The following TRIM5 variants were observed in gnomAD, a reference collection of about 807,000 sequenced individuals.
TRIM5 encodes tripartite motif-containing protein 5.
In TRIM5, 31 loss-of-function variants were observed where a neutral mutation model predicts 35.6. That is an observed-to-expected ratio of 0.87 (90% CI 0.65 to 1.18). The LOEUF (loss-of-function observed/expected upper bound fraction) is 1.18. Ranked by LOEUF, TRIM5 falls within the 50% of genes most tolerant of loss-of-function variation. The probability of loss-of-function intolerance (pLI) is 0.00; values close to 1 mark genes in which losing one functional copy is unlikely to be tolerated. For synonymous variants in TRIM5, 243 were observed against 215.6 expected, an observed-to-expected ratio of 1.13 and a Z score of -1.11; for missense variants, 609 against 591.6, an observed-to-expected ratio of 1.03 and a Z score of -0.31.
At chr11:5,661,041 C>CAAAAAAAAAAAA (rs61394016), downstream of TRIM5, among the ~76,000 whole-genome samples, 1 of 37,142 alleles carries the variant, frequency 2.7e-5, no homozygotes, top group Non-Finnish European at 4.3e-5. Context: ...GACTCCGTCT[C>CAAAAAAAAAAAA]AAAAAAAAAA....
chr11:5,641,227 T>C, the TRIM5 span: 5 of 1,613,848 alleles, frequency 3.1e-6, no homozygotes, highest in South Asian at 1.1e-5. Flanking sequence ...TTGTGAGTTA[T>C]AAAGAAGTGT....
chr11:5,598,392 C>T, the TRIM5 span, among the ~76,000 whole-genome samples: 1 of 152,034 alleles, frequency 6.6e-6, no homozygotes, highest in South Asian at 2.1e-4. Flanking sequence ...TTTTCTCTGT[C>T]TAAAGAGAGT....
the TRIM5 span, among the ~76,000 whole-genome samples, chr11:5,591,752 G>A: frequency 6.6e-6 from 1 of 152,092 alleles, no homozygotes; most frequent in Non-Finnish European, 1.5e-5. Context: ...TGATGCAAGG[G>A]CTCATCTGAT....
chr11:5,678,975 T>G (rs954850733), intron 3 of TRIM5, 99 bp downstream of exon 3: 6 of 997,174 alleles, frequency 6.0e-6, no homozygotes, highest in Middle Eastern at 2.7e-4. Flanking sequence ...AAATGACTTC[T>G]GGACTTATCA....
At chr11:5,676,313 CA>C (rs1473705783) in intron 4 of TRIM5, among the ~76,000 whole-genome samples, 1 of 152,038 alleles carries the variant, frequency 6.6e-6, no homozygotes, top group African/African-American at 2.4e-5. Flanking sequence ...ACACCAACAA[CA>C]GACAAACAGA....
At chr11:5,609,793 C>T in the TRIM5 span, among the ~76,000 whole-genome samples, 2 of 152,058 alleles carry the variant, frequency 1.3e-5, no homozygotes, top group African/African-American at 2.4e-5. Context: ...CGTGGTGGCA[C>T]GCGCCTGTAG....
At chr11:5,645,421 A>C in the TRIM5 span, among the ~76,000 whole-genome samples, 22 of 151,996 alleles carry the variant, frequency 1.4e-4, no homozygotes, top group African/African-American at 3.9e-4. Context: ...CTGTGAAAAA[A>C]GTGGTTTGTT....
intron 5 of TRIM5, among the ~76,000 whole-genome samples, 171 bp downstream of exon 5, chr11:5,667,518 T>C (rs1438169584): frequency 6.6e-6 from 1 of 152,188 alleles, no homozygotes; most frequent in Non-Finnish European, 1.5e-5. Context: ...CTATTCTTAA[T>C]AGTTATAGAA....
Position 5,665,163 on chromosome 11 carries a change from A to ACATAC in TRIM5, c.1123_1127dup (p.Cys376TrpfsTer29). 1.2e-6 allele frequency: 2 copies of ACATAC among 1,614,110 alleles called. No individual in the cohort carries two copies. Among genetic ancestry groups the ACATAC allele is most frequent in the South Asian group, 2.2e-5 (2 of 91,074 alleles). On this transcript the variant is annotated frameshift_variant, in exon 8 of 8. Transcript: ENST00000380034. LOFTEE classifies it low-confidence loss of function (END_TRUNC). Reference sequence around the variant, plus strand: ...ACATTGCATCAGGTTGGAAGCCAGCACATACCCCCAGGATCCAAGCAGTTT... The same window carrying ACATAC: ...ACATTGCATCAGGTTGGAAGCCAGCACATACCATACCCCCAGGATCCAAGCAGTTT...
the TRIM5 span, chr11:5,590,874 C>T: frequency 0.018 from 2,785 of 154,120 alleles, 88 homozygotes; most frequent in African/African-American, 0.063. Flanking sequence ...ACGAACCCAC[C>T]AGAAGGAAAA....
At chr11:5,684,125 G>A (rs1406400510) in intron 1 of TRIM5, 22 of 172,024 alleles carry the variant, frequency 1.3e-4, no homozygotes, top group Non-Finnish European at 2.4e-4. Flanking sequence ...CACTGCAAGC[G>A]TCCGCGGCTT....
chr11:5,665,552 A>C (rs763539529), intron 7 of TRIM5, 104 bp downstream of exon 7: 1 of 1,574,812 alleles, frequency 6.3e-7, no homozygotes, highest in Non-Finnish European at 8.6e-7. Flanking sequence ...GAGAATCATA[A>C]ATCTTAAAAC....
chr11:5,601,397 G>C, the TRIM5 span, among the ~76,000 whole-genome samples: 1 of 152,176 alleles, frequency 6.6e-6, no homozygotes, highest in Non-Finnish European at 1.5e-5. Context: ...GTCCATGAGG[G>C]ATAAAGAAAG....
intron 3 of TRIM5, 136 bp downstream of exon 3, chr11:5,678,938 T>C (rs1030744011): frequency 1.4e-6 from 1 of 718,764 alleles, no homozygotes; most frequent in African/African-American, 1.8e-5. Context: ...CCACACCCCA[T>C]CAGGGAAAGG....
the TRIM5 span, chr11:5,610,220 GA>G: frequency 6.2e-7 from 1 of 1,614,122 alleles, no homozygotes; most frequent in Non-Finnish European, 8.5e-7. Flanking sequence ...CCCCAGATCT[GA>G]AAAGGATGCT....
At chr11:5,648,524 TA>T in the TRIM5 span, among the ~76,000 whole-genome samples, 1 of 151,666 alleles carries the variant, frequency 6.6e-6, no homozygotes, top group Non-Finnish European at 1.5e-5. Context: ...AATAAATAAA[TA>T]AAATAAAATA....
chr11:5,613,262 T>C, the TRIM5 span, among the ~76,000 whole-genome samples: 1 of 152,266 alleles, frequency 6.6e-6, no homozygotes. Flanking sequence ...AAAGGGCTCA[T>C]GACCAGAGAA....
Position 5,671,704 on chromosome 11 carries a change from G to A in TRIM5, c.745-3993C>T, listed in dbSNP as rs540293807. 1.9e-4 allele frequency among the ~76,000 whole-genome samples: 29 copies of A among 152,118 alleles called. No homozygotes were observed. The South Asian group carries it at 6.0e-3, about 32-fold the overall frequency. Reference sequence around the variant, plus strand: ...ATGTCAGATGTCATAATGTAGCAATGTACATGTAATAGGTCTTCCAGAAGG... The same window carrying A: ...ATGTCAGATGTCATAATGTAGCAATATACATGTAATAGGTCTTCCAGAAGG... On this transcript the variant is annotated intron_variant, in intron 4 of 7. Coordinates refer to ENST00000380034, the MANE Select transcript of TRIM5 (RefSeq NM_033034.3).
At chr11:5,604,932 C>A in the TRIM5 span, 1 of 434,928 alleles carries the variant, frequency 2.3e-6, no homozygotes. Flanking sequence ...CCCTTGCATT[C>A]AGAGTACAAA....
Sources: allele counts gnomAD v4.1 joint callset (sites outside exome capture counted in the v4.1 genomes callset), GRCh38; gene constraint gnomAD v4.1.1; transcripts MANE v1.5; gene names NCBI Gene and HGNC (gene_info 2026-07-23, HGNC 2026-07-21).